Variants in IKBKE observed in about 807,000 individuals in gnomAD.
IKBKE encodes the protein inhibitor of nuclear factor kappa-B kinase subunit epsilon.
In IKBKE, 45 loss-of-function variants were observed where a neutral mutation model predicts 92.1. The observed-to-expected ratio is 0.49, with a 90% CI of 0.38 to 0.63. IKBKE has a LOEUF of 0.63. Ranked by LOEUF, IKBKE falls within the 20% of genes least tolerant of loss-of-function variation. The pLI is 0.00. For missense variants in IKBKE, 700 were observed against 932.8 expected (o/e 0.75, Z 3.25); for synonymous variants, 374 against 380.3 (o/e 0.98, Z 0.19).
chr1:206,483,795 T>C (rs1665516099), intron 13 of IKBKE, among the ~76,000 whole-genome samples: 1 of 152,196 alleles, frequency 6.6e-6, no homozygotes, highest in Non-Finnish European at 1.5e-5. Context: ...GAAATGATAG[T>C]GTATTTGCTG....
At chr1:206,473,065 T>C in intron 2 of IKBKE, 131 bp from the exon 3 acceptor site, 1 of 664,042 alleles carries the variant, frequency 1.5e-6, no homozygotes, top group South Asian at 1.7e-5. Flanking sequence ...CTTCCCCCGC[T>C]CCCTTGCTTG....
rs1553391229 is a variant in IKBKE, at chr1:206,493,366, A to T, written c.2033A>T (p.Asp678Val). The T allele has an allele frequency of 1.2e-6, 2 of 1,612,970 alleles. No homozygotes were observed. Among genetic ancestry groups the T allele is most frequent in the Admixed American group, 3.3e-5 (2 of 60,016 alleles). Residue 678 changes from aspartate to valine, a missense_variant, in exon 20 of 22, where the codon GAC becomes GTC. Asp to Val is a radical substitution (Grantham distance 152, BLOSUM62 -3). Transcript: ENST00000581977. ...IAPYPSPTRK[D>V]LLLHMQELCE... ...CCTTACCCCAGCCCTACACGAAAGG[A>T]CCTGCTTCTCCAGTAAGTGCTGGGG...
At chr1:206,495,190 G>A (rs1553391821) in intron 21 of IKBKE, among the ~76,000 whole-genome samples, 1 of 152,030 alleles carries the variant, frequency 6.6e-6, no homozygotes, top group African/African-American at 2.4e-5. Context: ...TCCTGTCTGA[G>A]AACCAATGGC....
At chr1:206,494,149 T>G (rs1666098573) in intron 21 of IKBKE, among the ~76,000 whole-genome samples, 158 bp downstream of exon 21, 2 of 152,212 alleles carry the variant, frequency 1.3e-5, no homozygotes, top group Admixed American at 6.5e-5. Flanking sequence ...CACAAATGAG[T>G]TGACATCCTC....
In IKBKE at chr1:206,496,598, C is replaced by T. The variant is rs956926150; in HGVS notation, c.*453C>T. ...ATCACAGTCTTCCTTCCTCTTCAAG[C>T]GTTTCATGTTGAACACAGCTCTCTC... is the stretch of plus-strand genomic sequence containing the variant. On this transcript the variant is annotated 3_prime_UTR_variant, in exon 22 of 22. Coordinates refer to ENST00000581977, the MANE Select transcript of IKBKE (RefSeq NM_014002.4). The T allele has an allele frequency of 2.9e-5, 7 of 241,524 alleles. No individual in the cohort carries two copies. The highest frequency in any genetic ancestry group is 5.9e-5 in the East Asian group (1 of 16,890). The allele number at this position is 241,524 out of a possible 1,614,324, so 15.0% of individuals were successfully genotyped here.
In IKBKE at chr1:206,481,070, G is replaced by C. The variant is rs1286559356; in HGVS notation, c.1427+537G>C. Among the ~76,000 whole-genome samples, 5 of 152,220 alleles carry C rather than the reference G, an allele frequency of 3.3e-5. No homozygotes were observed. In the South Asian group the frequency reaches 6.2e-4, roughly 19 times the overall value. ...CACTCCCTTGTCTTGGGCTAATAAG[G>C]GGGGATGGGTTGGAAAAAGAGAGAG... On this transcript the variant is annotated intron_variant, in intron 13 of 21. Transcript: ENST00000581977.
chr1:206,473,277 AG>A lies in IKBKE; in HGVS notation c.55del (p.Ala19ProfsTer19), dbSNP rs1664877513. On this transcript the variant is annotated frameshift_variant, in exon 3 of 22. Coordinates refer to ENST00000581977, the MANE Select transcript of IKBKE (RefSeq NM_014002.4). LOFTEE classifies it high-confidence loss of function. ...YLWHTDDLLG[Q>X]GATASVYKAR... is the part of the protein sequence containing the mutation. ...TGGCACACAGATGACCTGCTGGGGC[AG>A]GGGGCCACTGCCAGTGTGTACAAGG... 6.2e-7 allele frequency: 1 copy of A among 1,613,004 alleles called. No homozygotes were observed. Among genetic ancestry groups the A allele is most frequent in the Admixed American group, 1.7e-5 (1 of 59,936 alleles).
chr1:206,474,448 A>C lies in IKBKE; in HGVS notation c.205A>C (p.Lys69Gln). Residue 69 changes from lysine (K) to glutamine (Q), a missense_variant, in exon 4 of 22, where the codon AAG becomes CAG. Lys to Gln is a moderately conservative substitution (Grantham distance 53, BLOSUM62 1). Transcript: ENST00000581977. ...GAAGCTGAACCACCAGAACATTGTC[A>C]AGCTCTTTGCGGTGGAGGAGACGGT... is the stretch of plus-strand genomic sequence containing the variant. ...LRKLNHQNIV[K>Q]LFAVEETGGS... The C allele has an allele frequency of 1.4e-5, 22 of 1,613,998 alleles. No individual in the cohort carries two copies. Among genetic ancestry groups the C allele is most frequent in the Non-Finnish European group, 1.9e-5 (22 of 1,179,928 alleles).
chr1:206,482,596 C>T (rs141827667), intron 13 of IKBKE, among the ~76,000 whole-genome samples: 12 of 152,318 alleles, frequency 7.9e-5, no homozygotes, highest in Non-Finnish European at 1.3e-4. Context: ...ATTTCAGCCT[C>T]CCATCAAGGA....
chr1:206,494,986 T>TAAAA (rs33957066), intron 21 of IKBKE, among the ~76,000 whole-genome samples: 1 of 108,946 alleles, frequency 9.2e-6, no homozygotes, highest in Admixed American at 9.9e-5. Context: ...ACATTTGAAG[T>TAAAA]AAAAAAAAAA....
rs1665706309 is a variant in IKBKE, at chr1:206,487,049, C to T, written c.1617-865C>T. Among the ~76,000 whole-genome samples, 2 of 152,264 alleles carry T rather than the reference C, an allele frequency of 1.3e-5. No homozygotes were observed. The highest frequency in any genetic ancestry group is 4.1e-4 in the South Asian group (2 of 4,836). ...CTGTGGATCTGAGGCCTGTCCCAGC[C>T]ACTTCATCTTCCACCCTCATGTTCC... On this transcript the variant is annotated intron_variant, in intron 15 of 21. Coordinates refer to ENST00000581977, the MANE Select transcript of IKBKE (RefSeq NM_014002.4). This position sits in a 1 kb window ranked among gnomAD's most constrained non-coding sequence, Gnocchi z 5.3.
intron 13 of IKBKE, among the ~76,000 whole-genome samples, chr1:206,483,414 A>G (rs1229793604): frequency 2.6e-5 from 4 of 152,118 alleles, no homozygotes; most frequent in African/African-American, 9.7e-5. Context: ...GCACTCAGTA[A>G]CGCCTTCAGC....
rs1665620386 is a variant in IKBKE, at chr1:206,485,791, A to C, written c.1616+485A>C. 6.6e-6 allele frequency among the ~76,000 whole-genome samples: 1 copy of C among 152,216 alleles called. No individual in the cohort carries two copies. The highest frequency in any genetic ancestry group is 2.1e-4 in the South Asian group (1 of 4,838). On this transcript the variant is annotated intron_variant, in intron 15 of 21. Transcript: ENST00000581977. The surrounding 1 kb of genome is among the most constrained non-coding windows in gnomAD (Gnocchi z 5.0). The stretch of plus-strand genomic sequence containing the variant: ...TCAGGTCGGGTCTGTCCACCTCCAA[A>C]GCCTATGTTCTTGGCCTATGCCAGG...
Position 206,493,023 on chromosome 1 carries a change from G to T in IKBKE, c.1836G>T (p.Arg612Ser). 6.4e-7 allele frequency: 1 copy of T among 1,565,666 alleles called. No homozygotes were observed. The highest frequency in any genetic ancestry group is 8.7e-7 in the Non-Finnish European group (1 of 1,154,226). The change falls in exon 19 of 22, where the codon AGG becomes AGT. Residue 612 changes from arginine to serine, a missense_variant and splice_region_variant. Transcript: ENST00000581977. ...CTAAGTCTCTGTGTGTTCTCTTGAG[G>T]GTGGTGCACGAGACCAGGAACCACC... ...ASLVTHGKRM[R>S]VVHETRNHLR...
intron 21 of IKBKE, 34 bp downstream of exon 21, chr1:206,494,025 G>T: frequency 1.3e-6 from 2 of 1,588,826 alleles, no homozygotes; most frequent in Non-Finnish European, 1.7e-6. Context: ...GGTCAGGGCC[G>T]GGTCTTCAAG....
At chr1:206,491,401 C>T (rs1031909830) in intron 17 of IKBKE, 5 of 444,588 alleles carry the variant, frequency 1.1e-5, no homozygotes, top group African/African-American at 4.0e-5. Flanking sequence ...CATGTGTGTT[C>T]CCTGAGGACC....
At chr1:206,496,035 A>C in intron 21 of IKBKE, 77 bp from the exon 22 acceptor site, 1 of 1,132,970 alleles carries the variant, frequency 8.8e-7, no homozygotes, top group Non-Finnish European at 1.3e-6. Flanking sequence ...TTGAAAGCTA[A>C]TTGTGCTGGG....
chr1:206,476,088 TG>T lies in IKBKE; in HGVS notation c.359-91del. The T allele has an allele frequency of 1.6e-6, 2 of 1,236,642 alleles. No homozygotes were observed. Among genetic ancestry groups the T allele is most frequent in the Non-Finnish European group, 2.3e-6 (2 of 861,444 alleles). The allele number at this position is 1,236,642 out of a possible 1,614,324, so 76.6% of individuals were successfully genotyped here. On this transcript the variant is annotated intron_variant, in intron 5 of 21. Coordinates refer to ENST00000581977, the MANE Select transcript of IKBKE (RefSeq NM_014002.4). This position sits in a 1 kb window ranked among gnomAD's most constrained non-coding sequence, Gnocchi z 5.1. ...CAGCCCATGGGAACTCCTGTCTCTC[TG>T]GATGCAAGGACAGCCTTCCCACCAA...
Position 206,493,997 on chromosome 1 carries a change from G to A in IKBKE, c.2117+6G>A. 1.2e-6 allele frequency: 2 copies of A among 1,613,578 alleles called. No homozygotes were observed. Among genetic ancestry groups the A allele is most frequent in the South Asian group, 1.1e-5 (1 of 91,056 alleles). ...AACAACCGCATCATCGAACGGTAAG[G>A]AGCTTTCACCTTGTGTAGGTCAGGG... On this transcript the variant is annotated splice_donor_region_variant and intron_variant, in intron 21 of 21. Coordinates refer to ENST00000581977, the MANE Select transcript of IKBKE (RefSeq NM_014002.4).
Sources: gnomAD v4.1 joint callset for allele counts (sites outside exome capture counted in the v4.1 genomes callset) on GRCh38, gnomAD v4.1.1 for gene constraint, Gnocchi (gnomAD v3.1) non-coding constraint, MANE v1.5 for transcripts, NCBI Gene and HGNC (gene_info 2026-07-23, HGNC 2026-07-21) for gene names.